The following ATP6V1B2 variants were observed in gnomAD, a reference collection of about 807,000 sequenced individuals.
ATP6V1B2 encodes V-type proton ATPase subunit B, brain isoform.
ATP6V1B2 carries 23 observed loss-of-function variants against 66.7 expected under a neutral mutation model. The ratio of observed to expected loss-of-function variants is 0.34; its 90% CI spans 0.25 to 0.49. The LOEUF (loss-of-function observed/expected upper bound fraction) is 0.49. ATP6V1B2 is among the 20% of genes least tolerant of loss of function. ATP6V1B2 has a pLI of 0.99. For missense variants in ATP6V1B2, 478 were observed against 650.8 expected, an observed-to-expected ratio of 0.73 and a Z score of 2.89; for synonymous variants, 278 against 236.7, an observed-to-expected ratio of 1.17 and a Z score of -1.60.
intron 13 of ATP6V1B2, among the ~76,000 whole-genome samples, chr8:20,219,919 G>A (rs1390262752): frequency 6.6e-6 from 1 of 152,126 alleles, no homozygotes; most frequent in Non-Finnish European, 1.5e-5. Flanking sequence ...AACCTTCTGT[G>A]CTAGGGAGAC....
At chr8:20,200,459 A>T (rs2072674728) in intron 1 of ATP6V1B2, among the ~76,000 whole-genome samples, 1 of 152,202 alleles carries the variant, frequency 6.6e-6, no homozygotes, top group African/African-American at 2.4e-5. Context: ...TGAATGAAGA[A>T]ATGGAGTAAT....
chr8:20,211,364 C>T, intron 6 of ATP6V1B2, 48 bp downstream of exon 6: 2 of 1,588,562 alleles, frequency 1.3e-6, no homozygotes, highest in Non-Finnish European at 1.7e-6. Flanking sequence ...ACAAGAATTT[C>T]TATAATGCAT....
Position 20,214,727 on chromosome 8 carries a change from A to G in ATP6V1B2, c.928-91A>G, listed in dbSNP as rs113889676. ...TAAAATGAACATGATGGGATTTTCA[A>G]CTTTGTACTTTGGCATGTTGAAACA... is the stretch of plus-strand genomic sequence containing the variant. On this transcript the variant is annotated intron_variant, in intron 9 of 13. Transcript: ENST00000276390. 5.1e-6 allele frequency: 7 copies of G among 1,374,670 alleles called. No homozygotes were observed. In the African/African-American group the frequency reaches 8.8e-5, roughly 17 times the overall value. 85.2% of individuals were successfully genotyped at this position (1,374,670 alleles called of 1,614,324 possible).
chr8:20,218,342 T>C, intron 13 of ATP6V1B2, 60 bp downstream of exon 13: 1 of 1,578,010 alleles, frequency 6.3e-7, no homozygotes, highest in Non-Finnish European at 8.6e-7. Context: ...GAAAACTGCT[T>C]TCCAAGCCTA....
intron 13 of ATP6V1B2, among the ~76,000 whole-genome samples, chr8:20,218,891 G>GT (rs1189119480): frequency 2.0e-5 from 3 of 151,926 alleles, no homozygotes; most frequent in Non-Finnish European, 4.4e-5. Context: ...CAGAACCAAA[G>GT]TTTTTTTTCC....
rs1175249920 is a variant in ATP6V1B2 at position 20,214,952 on chromosome 8, A to G, written c.1062A>G (p.Leu354=). Reference sequence around the variant, plus strand: ...GCTCGATTACTCAAATCCCTATTCTAACCATGCCTAATGATGGTAAGTTTT... The same window carrying G: ...GCTCGATTACTCAAATCCCTATTCTGACCATGCCTAATGATGGTAAGTTTT... The part of the protein sequence containing the change: ...RNGSITQIPI[L]TMPNDDITHP... The change falls in exon 10 of 14, where the codon CTA becomes CTG. Residue 354 remains leucine, a synonymous_variant. Coordinates refer to ENST00000276390, the MANE Select transcript of ATP6V1B2 (RefSeq NM_001693.4). 1.2e-6 allele frequency: 2 copies of G among 1,613,144 alleles called. No homozygotes were observed. The highest frequency in any genetic ancestry group is 1.7e-5 in the Admixed American group (1 of 59,912).
chr8:20,200,265 G>C (rs969027951), intron 1 of ATP6V1B2, among the ~76,000 whole-genome samples: 1 of 151,778 alleles, frequency 6.6e-6, no homozygotes, highest in Admixed American at 6.6e-5. Context: ...AGATCCGCCC[G>C]CCATGGCCTC....
chr8:20,212,295 G>GTAAT (rs2072803232), intron 8 of ATP6V1B2, 96 bp downstream of exon 8: 2 of 1,152,866 alleles, frequency 1.7e-6, no homozygotes, highest in Non-Finnish European at 2.5e-6. Flanking sequence ...ACAGCATTTG[G>GTAAT]ACCTAACAAT....
chr8:20,210,315 T>C (rs752350927), intron 3 of ATP6V1B2, 31 bp from the exon 4 acceptor site: 20 of 1,567,318 alleles, frequency 1.3e-5, no homozygotes, highest in Non-Finnish European at 8.8e-6. Flanking sequence ...AAATTACTTC[T>C]ACCCTTCTCA....
At chr8:20,204,457 A>T (rs1563804452) in intron 1 of ATP6V1B2, 27 bp from the exon 2 acceptor site, 2 of 1,602,230 alleles carry the variant, frequency 1.2e-6, no homozygotes, top group East Asian at 4.5e-5. Flanking sequence ...ATTTGACTAA[A>T]ACTGACTCTT....
At position 20,221,146 on chromosome 8, in the gene ATP6V1B2, T is replaced by C. The variant is rs1030728349; in HGVS notation, c.*744T>C. ...AAGCAGAGGAGTCACATGATTACAA[T>C]TGCCAGTAGAGTTGTTGTTTGGGGT... is the stretch of plus-strand genomic sequence containing the variant. On this transcript the variant is annotated 3_prime_UTR_variant, in exon 14 of 14. Transcript: ENST00000276390. 1.3e-5 allele frequency: 2 copies of C among 152,142 alleles called. No homozygotes were observed. Among genetic ancestry groups the C allele is most frequent in the Non-Finnish European group, 2.9e-5 (2 of 68,046 alleles). 9.4% of individuals were successfully genotyped at this position (152,142 alleles called of 1,614,324 possible). A position where few individuals can be genotyped will look rare whatever the true frequency, so the allele number is the denominator to read the frequency against.
chr8:20,209,548 C>T lies in ATP6V1B2; in HGVS notation c.291+17C>T. 1 of 1,605,654 alleles carries T rather than the reference C, an allele frequency of 6.2e-7. No homozygotes were observed. The highest frequency in any genetic ancestry group is 1.7e-5 in the Admixed American group (1 of 59,948). Reference sequence around the variant, plus strand: ...GTAGTTCAGGTAAGTTTCAGCTGGCCAGCTGAACTGTTTCCTAGTTGCCTA... The same window carrying T: ...GTAGTTCAGGTAAGTTTCAGCTGGCTAGCTGAACTGTTTCCTAGTTGCCTA... On this transcript the variant is annotated intron_variant, in intron 3 of 13. Transcript: ENST00000276390.
intron 8 of ATP6V1B2, among the ~76,000 whole-genome samples, chr8:20,212,568 G>T (rs2072806185): frequency 6.6e-6 from 1 of 152,118 alleles, no homozygotes; most frequent in Non-Finnish European, 1.5e-5. Context: ...CCACCCCAGT[G>T]TTGAGAAACC....
intron 2 of ATP6V1B2, among the ~76,000 whole-genome samples, chr8:20,206,970 T>C (rs1345253984): frequency 1.1e-4 from 16 of 152,074 alleles, no homozygotes; most frequent in Non-Finnish European, 1.5e-5. Flanking sequence ...GATTAATGAA[T>C]CAGAAAACCC....
At chr8:20,212,250 G>A (rs1005256501) in intron 8 of ATP6V1B2, 51 bp downstream of exon 8, 3 of 1,553,874 alleles carry the variant, frequency 1.9e-6, no homozygotes, top group Non-Finnish European at 2.7e-6. Context: ...GATCAAAAGT[G>A]TGTCTTAAGG....
At chr8:20,218,374 A>G in intron 13 of ATP6V1B2, 92 bp downstream of exon 13, 2 of 1,504,850 alleles carry the variant, frequency 1.3e-6, no homozygotes, top group African/African-American at 1.4e-5. Flanking sequence ...ATTGGTTTCT[A>G]TATAGTTATT....
chr8:20,213,181 G>T, intron 9 of ATP6V1B2: 1 of 363,386 alleles, frequency 2.8e-6, no homozygotes, highest in South Asian at 2.6e-5. Context: ...AATTCAAGCT[G>T]TTTATTCAGT....
intron 4 of ATP6V1B2, 64 bp from the exon 5 acceptor site, chr8:20,210,505 T>G: frequency 2.5e-6 from 4 of 1,606,938 alleles, no homozygotes; most frequent in Non-Finnish European, 3.4e-6. Flanking sequence ...CATAATGTCT[T>G]TTAAAAATTA....
chr8:20,204,567 T>A (rs2128884947), intron 2 of ATP6V1B2, 28 bp downstream of exon 2: 1 of 1,578,798 alleles, frequency 6.3e-7, no homozygotes, highest in East Asian at 2.2e-5. Flanking sequence ...TTTGGTCTAT[T>A]TATGTAGTTA....
Sources: gnomAD v4.1 joint callset for allele counts (sites outside exome capture counted in the v4.1 genomes callset) on GRCh38, gnomAD v4.1.1 for gene constraint, MANE v1.5 for transcripts, NCBI Gene and HGNC (gene_info 2026-07-23, HGNC 2026-07-21) for gene names.